Variants in CDH18 observed in about 807,000 individuals in gnomAD.
CDH18 encodes cadherin 18, also known as cadherin-18.
A neutral mutation model predicts 67.9 loss-of-function variants in CDH18; 31 were observed. That is an observed-to-expected ratio of 0.46 (90% CI 0.34 to 0.62). The LOEUF (loss-of-function observed/expected upper bound fraction) is 0.62, where lower values mean the gene tolerates loss of function less well. Ranked by LOEUF, CDH18 falls within the 20% of genes least tolerant of loss-of-function variation. The pLI, the probability that CDH18 is intolerant of heterozygous loss-of-function variation, is 0.01. For missense variants in CDH18, 890 were observed against 975.5 expected, an observed-to-expected ratio of 0.91 and a Z score of 1.17; for synonymous variants, 362 against 347.2, an observed-to-expected ratio of 1.04 and a Z score of -0.48.
At chr5:19,773,881 AC>A (rs1370384644) in intron 3 of CDH18, among the ~76,000 whole-genome samples, 4 of 152,198 alleles carry the variant, frequency 2.6e-5, no homozygotes, top group African/African-American at 7.2e-5. Context: ...AGGTGGGAAC[AC>A]CAAGAACACA....
At chr5:20,374,597 G>A (rs1269043347) in intron 1 of CDH18, among the ~76,000 whole-genome samples, 4 of 152,074 alleles carry the variant, frequency 2.6e-5, no homozygotes, top group Non-Finnish European at 4.4e-5. Flanking sequence ...CTTCTTTCCC[G>A]GCATATTTTA....
intron 6 of CDH18, among the ~76,000 whole-genome samples, chr5:19,610,450 A>T (rs551744789): frequency 2.6e-5 from 4 of 152,108 alleles, no homozygotes; most frequent in Non-Finnish European, 5.9e-5. Context: ...TGCAAAGTCA[A>T]TCTTAATAAA....
chr5:20,173,144 G>T (rs1185784059), intron 2 of CDH18, among the ~76,000 whole-genome samples: 2 of 152,184 alleles, frequency 1.3e-5, no homozygotes, highest in African/African-American at 4.8e-5. Flanking sequence ...AATGATTAAA[G>T]TGTGGAACCC....
chr5:20,505,282 G>A (rs2457043), intron 1 of CDH18, among the ~76,000 whole-genome samples: 72,487 of 151,912 alleles, frequency 0.48, 17,497 homozygotes, highest in East Asian at 0.56. Context: ...GGACAAATTG[G>A]AGAAGTTTTA....
At chr5:19,892,879 G>C (rs899849307) in intron 2 of CDH18, among the ~76,000 whole-genome samples, 1 of 152,130 alleles carries the variant, frequency 6.6e-6, no homozygotes, top group African/African-American at 2.4e-5. Flanking sequence ...CTAATTTCTT[G>C]ATCCACAAAA....
rs541237830 is a variant in CDH18 at position 20,013,558 on chromosome 5, T to C, written c.-517-21544A>G. On this transcript the variant is annotated intron_variant, in intron 2 of 14. Transcript: ENST00000507958. ...CTTCGTATCTGATTCTGTTTATTTATATATTTATATTGACTGACTAATGTT... is the reference window on the plus strand; with the variant it reads ...CTTCGTATCTGATTCTGTTTATTTACATATTTATATTGACTGACTAATGTT... Among the ~76,000 whole-genome samples, 3 of 152,230 alleles carry C rather than the reference T, an allele frequency of 2.0e-5. No individual in the cohort carries two copies. The East Asian group carries it at 5.8e-4, about 29-fold the overall frequency.
chr5:20,103,518 G>A (rs888675661), intron 2 of CDH18, among the ~76,000 whole-genome samples: 10 of 145,162 alleles, frequency 6.9e-5, no homozygotes, highest in African/African-American at 2.3e-4. Flanking sequence ...GAGGTCAGGA[G>A]TTTGAGACCA....
chr5:20,573,968 T>C (rs957389857), intron 1 of CDH18, among the ~76,000 whole-genome samples: 1 of 147,866 alleles, frequency 6.8e-6, no homozygotes. Context: ...ATATATACTT[T>C]TTTTAAACAA....
At chr5:19,528,898 G>A (rs930184355) in intron 9 of CDH18, among the ~76,000 whole-genome samples, 7 of 151,614 alleles carry the variant, frequency 4.6e-5, no homozygotes, top group South Asian at 4.2e-4. Context: ...CATTCTGTGC[G>A]TATATCCCAT....
At chr5:19,926,402 A>G (rs1446709046) in intron 2 of CDH18, among the ~76,000 whole-genome samples, 1 of 152,174 alleles carries the variant, frequency 6.6e-6, no homozygotes, top group East Asian at 1.9e-4. Flanking sequence ...CCTCAGGGCA[A>G]AGGTGTTTCT....
chr5:19,788,719 A>G lies in CDH18; in HGVS notation c.229-41483T>C, dbSNP rs564193797. Among the ~76,000 whole-genome samples the G allele has an allele frequency of 3.9e-5, 6 of 152,334 alleles. No homozygotes were observed. The South Asian group carries it at 1.2e-3, about 32-fold the overall frequency. On this transcript the variant is annotated intron_variant, in intron 3 of 12. Coordinates refer to ENST00000382275, the MANE Select transcript of CDH18 (RefSeq NM_004934.5). The stretch of plus-strand genomic sequence containing the variant: ...ATAATGAAAATATCCAAAACATTCA[A>G]TGGTGTTAATGAAGGATTATGCCCT...
chr5:20,320,083 T>A (rs1416507553), intron 1 of CDH18, among the ~76,000 whole-genome samples: 2 of 152,132 alleles, frequency 1.3e-5, no homozygotes, highest in African/African-American at 2.4e-5. Context: ...TAAATATTGC[T>A]CCCTTTTGTG....
At chr5:19,767,110 T>C (rs1435004690) in intron 3 of CDH18, among the ~76,000 whole-genome samples, 1 of 151,898 alleles carries the variant, frequency 6.6e-6, no homozygotes, top group Non-Finnish European at 1.5e-5. Context: ...CACAAAAATG[T>C]GTAAAAATAT....
intron 1 of CDH18, among the ~76,000 whole-genome samples, chr5:20,486,278 G>A (rs547674079): frequency 6.6e-6 from 1 of 151,988 alleles, no homozygotes; most frequent in Non-Finnish European, 1.5e-5. Context: ...AAAGGAACAT[G>A]GTATATTGCA....
At chr5:20,076,029 C>G (rs532170013) in intron 2 of CDH18, among the ~76,000 whole-genome samples, 1 of 152,176 alleles carries the variant, frequency 6.6e-6, no homozygotes, top group East Asian at 1.9e-4. Flanking sequence ...AATAAAAGCC[C>G]AGACTTGACC....
chr5:19,801,154 T>C (rs1193423338), intron 3 of CDH18, among the ~76,000 whole-genome samples: 1 of 152,028 alleles, frequency 6.6e-6, no homozygotes, highest in Non-Finnish European at 1.5e-5. Flanking sequence ...AATACAATAA[T>C]AGAGGTGGCA....
At chr5:20,220,453 A>G (rs1281752524) in intron 2 of CDH18, among the ~76,000 whole-genome samples, 1 of 151,970 alleles carries the variant, frequency 6.6e-6, no homozygotes, top group African/African-American at 2.4e-5. Flanking sequence ...GAGCCCTATC[A>G]CTCATCATAC....
At chr5:19,501,750 C>G (rs1328078985) in intron 11 of CDH18, among the ~76,000 whole-genome samples, 1 of 151,926 alleles carries the variant, frequency 6.6e-6, no homozygotes, top group Non-Finnish European at 1.5e-5. Flanking sequence ...ACATATGATT[C>G]CAATCTCCTA....
intron 3 of CDH18, among the ~76,000 whole-genome samples, chr5:19,782,304 A>G (rs2149785498): frequency 6.6e-6 from 1 of 152,250 alleles, no homozygotes; most frequent in Non-Finnish European, 1.5e-5. Flanking sequence ...AGACCCACTC[A>G]TTATCATGAG....
Sources: gnomAD v4.1 joint callset for allele counts (sites outside exome capture counted in the v4.1 genomes callset) on GRCh38, gnomAD v4.1.1 for gene constraint, MANE v1.5 for transcripts, NCBI Gene and HGNC (gene_info 2026-07-23, HGNC 2026-07-21) for gene names.